KREMEN1: variants seen among roughly 807,000 people sequenced by gnomAD.
KREMEN1 encodes the protein kremen protein 1.
In KREMEN1, 30 loss-of-function variants were observed where a neutral mutation model predicts 46.5. The ratio of observed to expected loss-of-function variants is 0.65; its 90% confidence interval spans 0.48 to 0.88. The LOEUF (loss-of-function observed/expected upper bound fraction) is 0.88. Ranked by LOEUF, KREMEN1 falls within the 40% of genes least tolerant of loss-of-function variation. The pLI, the probability that KREMEN1 is intolerant of heterozygous loss-of-function variation, is 0.00. For synonymous variants in KREMEN1, 214 were observed against 230.6 expected (o/e 0.93, Z 0.65); for missense variants, 533 against 596.9 (o/e 0.89, Z 1.11).
chr22:29,145,055 G>A lies in KREMEN1; in HGVS notation c.*2943G>A, dbSNP rs115384160. 4.3e-3 allele frequency: 4,266 copies of A among 985,480 alleles called. 114 individuals are homozygous for A. In the African/African-American group the frequency reaches 0.064, roughly 15 times the overall value. 61.0% of individuals were successfully genotyped at this position (985,480 alleles called of 1,614,324 possible). A position where few individuals can be genotyped will look rare whatever the true frequency, so the allele number is the denominator to read the frequency against. On this transcript the variant is annotated 3_prime_UTR_variant, in exon 9 of 9. Coordinates refer to ENST00000400335, the MANE Select transcript of KREMEN1 (RefSeq NM_001039570.3). ...GTAAATCATCCCAGGCTAAGCCTCC[G>A]TGGGCACTGGCTCCTGCCGCAGCCT...
At chr22:29,087,978 T>C (rs1045648366) in intron 1 of KREMEN1, among the ~76,000 whole-genome samples, 5 of 152,232 alleles carry the variant, frequency 3.3e-5, no homozygotes, top group African/African-American at 9.6e-5. Flanking sequence ...TATTAACTTG[T>C]GTTTTCCTCA....
intron 3 of KREMEN1, among the ~76,000 whole-genome samples, chr22:29,117,440 G>A (rs941400933): frequency 5.9e-5 from 9 of 152,120 alleles, no homozygotes; most frequent in Non-Finnish European, 1.2e-4. Flanking sequence ...GGTGGCGGGC[G>A]CCTATAGTCC....
intron 3 of KREMEN1, among the ~76,000 whole-genome samples, chr22:29,115,195 AC>A (rs1422073489): frequency 6.6e-6 from 1 of 152,046 alleles, no homozygotes; most frequent in Admixed American, 6.6e-5. Context: ...GGAAAACCAA[AC>A]ATTGTATGTT....
intron 9 of KREMEN1, among the ~76,000 whole-genome samples, chr22:29,166,704 C>T (rs971703454): frequency 2.6e-5 from 4 of 152,072 alleles, no homozygotes; most frequent in Non-Finnish European, 5.9e-5. Context: ...TTTGGGAATC[C>T]GAGGTGGAAG....
chr22:29,124,346 C>T lies in KREMEN1; in HGVS notation c.478-917C>T, dbSNP rs553987516. Among the ~76,000 whole-genome samples, 10 of 152,114 alleles carry T rather than the reference C, an allele frequency of 6.6e-5. No individual in the cohort carries two copies. The East Asian group carries it at 1.2e-3, about 18-fold the overall frequency. On this transcript the variant is annotated intron_variant, in intron 4 of 8. Transcript: ENST00000400335. The stretch of plus-strand genomic sequence containing the variant: ...TATGATTCTATTTATGTGACATTTT[C>T]GAAAAGACAAAACTACAGTAAAGGA...
At chr22:29,085,086 G>A (rs551196864) in intron 1 of KREMEN1, among the ~76,000 whole-genome samples, 6 of 152,150 alleles carry the variant, frequency 3.9e-5, no homozygotes, top group Non-Finnish European at 8.8e-5. Context: ...TGATATATGA[G>A]TATCAATTTT....
At chr22:29,141,213 G>T (rs2038754642) in intron 8 of KREMEN1, among the ~76,000 whole-genome samples, 1 of 145,064 alleles carries the variant, frequency 6.9e-6, no homozygotes. Flanking sequence ...ATTTTTAGTG[G>T]AAATAATGTC....
At chr22:29,133,678 T>C (rs547095489) in intron 5 of KREMEN1, among the ~76,000 whole-genome samples, 1 of 152,306 alleles carries the variant, frequency 6.6e-6, no homozygotes, top group South Asian at 2.1e-4. Context: ...TTTTTGCTTT[T>C]GTTTTTGTTT....
intron 5 of KREMEN1, among the ~76,000 whole-genome samples, chr22:29,131,572 G>C (rs1277305193): frequency 1.5e-5 from 2 of 129,246 alleles, no homozygotes; most frequent in South Asian, 4.4e-4. Context: ...GTGTGTGTGT[G>C]TGTGTGTGTG....
chr22:29,153,043 G>A (rs868399306), intron 9 of KREMEN1, among the ~76,000 whole-genome samples: 7 of 152,218 alleles, frequency 4.6e-5, no homozygotes, highest in Middle Eastern at 3.2e-3. Context: ...CCGGAACTGA[G>A]GGTTCCTTCC....
chr22:29,100,417 T>C (rs553965093), intron 3 of KREMEN1, among the ~76,000 whole-genome samples: 24 of 152,284 alleles, frequency 1.6e-4, no homozygotes, highest in Admixed American at 3.9e-4. Context: ...TATATATGTA[T>C]ATAAAGATTA....
chr22:29,146,065 G>T lies in KREMEN1; in HGVS notation c.*3953G>T. ...TGGCCTCCGAGACCCTGCCTCCCTG[G>T]TCTGCTGAGGTCAGGCCAGGTCTCC... On this transcript the variant is annotated 3_prime_UTR_variant, in exon 9 of 9. Coordinates refer to ENST00000400335, the MANE Select transcript of KREMEN1 (RefSeq NM_001039570.3). 1 of 985,896 alleles carries T rather than the reference G, an allele frequency of 1.0e-6. No homozygotes were observed. The highest frequency in any genetic ancestry group is 1.2e-6 in the Non-Finnish European group (1 of 830,026). The allele number at this position is 985,896 out of a possible 1,614,324, so 61.1% of individuals were successfully genotyped here. A position where few individuals can be genotyped will look rare whatever the true frequency, so the allele number is the denominator to read the frequency against.
intron 9 of KREMEN1, among the ~76,000 whole-genome samples, chr22:29,162,535 G>A (rs947411984): frequency 6.6e-6 from 1 of 152,102 alleles, no homozygotes; most frequent in African/African-American, 2.4e-5. Context: ...TGGCCAACAT[G>A]GTGAAACCCC....
intron 6 of KREMEN1, among the ~76,000 whole-genome samples, chr22:29,138,110 C>T (rs2145845959): frequency 6.6e-6 from 1 of 152,366 alleles, no homozygotes; most frequent in South Asian, 2.1e-4. Context: ...CTCTCTGCCT[C>T]TGTAATGTGA....
In KREMEN1 at chr22:29,121,285, C is replaced by G. The variant is rs1056091234; in HGVS notation, c.353-72C>G. ...CTGGCTGAGATGAAAGTACCTGGCA[C>G]AAATCGCTTTTCCTTCTTGGTGTTT... On this transcript the variant is annotated intron_variant, in intron 3 of 8. Coordinates refer to ENST00000400335, the MANE Select transcript of KREMEN1 (RefSeq NM_001039570.3). 182 of 1,580,160 alleles carry G rather than the reference C, an allele frequency of 1.2e-4. 1 individual carries two copies. In the South Asian group the frequency reaches 1.9e-3, roughly 17 times the overall value.
rs1374542032 is a variant in KREMEN1 at position 29,144,542 on chromosome 22, C to T, written c.*2430C>T. 6.1e-6 allele frequency: 6 copies of T among 985,400 alleles called. No individual in the cohort carries two copies. Among genetic ancestry groups the T allele is most frequent in the South Asian group, 4.7e-5 (1 of 21,282 alleles). The allele number at this position is 985,400 out of a possible 1,614,324, so 61.0% of individuals were successfully genotyped here. A position where few individuals can be genotyped will look rare whatever the true frequency, so the allele number is the denominator to read the frequency against. On this transcript the variant is annotated 3_prime_UTR_variant, in exon 9 of 9. Transcript: ENST00000400335. ...CAAGAGGCCTGTCACACAGGAGGAC[C>T]GCTGGAAACATACCAACACGTGCAG...
At chr22:29,094,168 G>C in intron 1 of KREMEN1, 90 bp from the exon 2 acceptor site, 2 of 1,077,824 alleles carry the variant, frequency 1.9e-6, no homozygotes, top group South Asian at 3.0e-5. Context: ...TTTCCAGCTT[G>C]GTCCAAACAA....
chr22:29,080,521 G>C (rs1185515823), intron 1 of KREMEN1, among the ~76,000 whole-genome samples: 6 of 152,190 alleles, frequency 3.9e-5, no homozygotes, highest in Non-Finnish European at 7.3e-5. Context: ...TTCTTCCCTA[G>C]CGCTTCTGGC....
At chr22:29,167,124 C>G (rs1189639745) in exon 10 of KREMEN1, 4 of 1,548,162 alleles carry the variant, frequency 2.6e-6, no homozygotes, top group South Asian at 1.2e-5. Flanking sequence ...CACAACTAGG[C>G]TCCGTGGGCA....
Sources: gnomAD v4.1 joint callset for allele counts (sites outside exome capture counted in the v4.1 genomes callset) on GRCh38, gnomAD v4.1.1 for gene constraint, MANE v1.5 for transcripts, NCBI Gene and HGNC (gene_info 2026-07-23, HGNC 2026-07-21) for gene names.